MCPH1: variants seen among roughly 807,000 people sequenced by gnomAD.
The protein encoded by MCPH1 is microcephalin.
A neutral mutation model predicts 84.5 loss-of-function variants in MCPH1; 104 were observed. That is an observed-to-expected ratio of 1.23 (90% CI 1.05 to 1.45). The LOEUF (loss-of-function observed/expected upper bound fraction) is 1.45. Ranked by LOEUF, MCPH1 falls within the 40% of genes most tolerant of loss-of-function variation. The probability of loss-of-function intolerance (pLI) is 0.00; values close to 1 mark genes in which losing one functional copy is unlikely to be tolerated. For synonymous variants in MCPH1, 514 were observed against 366.8 expected (o/e 1.40, Z -4.58); for missense variants, 1,498 against 1,005.7 (o/e 1.49, Z -6.62).
chr8:6,427,204 TG>T (rs1199103180), intron 3 of MCPH1, among the ~76,000 whole-genome samples: 6 of 152,200 alleles, frequency 3.9e-5, no homozygotes, highest in African/African-American at 1.4e-4. Context: ...GCGTTTACTA[TG>T]AATTGAGCTC....
At chr8:6,535,388 C>A (rs564901043) in intron 12 of MCPH1, among the ~76,000 whole-genome samples, 1 of 152,196 alleles carries the variant, frequency 6.6e-6, no homozygotes, top group South Asian at 2.1e-4. Flanking sequence ...AATAAAATTT[C>A]TTAACCTGCC....
At chr8:6,445,990 T>A (rs1054073) in intron 8 of MCPH1, 771,194 of 977,376 alleles carry the variant, frequency 0.79, 309,827 homozygotes, top group Non-Finnish European at 0.82. Flanking sequence ...GATTGTATCA[T>A]AGAGAAAGTG....
chr8:6,554,999 TC>T (rs1264334866), intron 12 of MCPH1, among the ~76,000 whole-genome samples: 1 of 152,106 alleles, frequency 6.6e-6, no homozygotes, highest in Non-Finnish European at 1.5e-5. Flanking sequence ...TGACCTAGAG[TC>T]CAGGCAGTGG....
chr8:6,530,256 C>T (rs1819216701), intron 12 of MCPH1, among the ~76,000 whole-genome samples: 1 of 151,934 alleles, frequency 6.6e-6, no homozygotes, highest in South Asian at 2.1e-4. Context: ...GCCTGTGATC[C>T]CAGCAGTTTG....
At chr8:6,414,673 CAG>C (rs1799011151) in intron 2 of MCPH1, 90 bp from the exon 3 acceptor site, 6 of 1,398,786 alleles carry the variant, frequency 4.3e-6, no homozygotes, top group African/African-American at 2.9e-5. Context: ...TGTTGAGAAA[CAG>C]AATTGCTGGG....
intron 12 of MCPH1, among the ~76,000 whole-genome samples, chr8:6,532,900 C>T (rs150311695): frequency 2.6e-5 from 4 of 152,304 alleles, no homozygotes; most frequent in Non-Finnish European, 5.9e-5. Context: ...AAAGAAGCAT[C>T]ACTATTTCTC....
chr8:6,564,917 C>T (rs1026604632), intron 12 of MCPH1, among the ~76,000 whole-genome samples: 9 of 152,144 alleles, frequency 5.9e-5, no homozygotes, highest in Non-Finnish European at 2.9e-5. Flanking sequence ...ACCAGACAAC[C>T]AAAGGGTTCT....
At chr8:6,624,597 AGAAG>A (rs1166303447) in intron 13 of MCPH1, among the ~76,000 whole-genome samples, 1 of 152,220 alleles carries the variant, frequency 6.6e-6, no homozygotes, top group East Asian at 1.9e-4. Context: ...GTACGAATAA[AGAAG>A]GGTTTATTTT....
Position 6,554,635 on chromosome 8 carries a change from G to A in MCPH1, c.2214+54706G>A, listed in dbSNP as rs372306892. On this transcript the variant is annotated intron_variant, in intron 12 of 13. Transcript: ENST00000344683. ...ATATCAACTATGAATATTTTGTGGTGGTAAGTTGTCAGGTTAATGTAAAGA... is the reference window on the plus strand; with the variant it reads ...ATATCAACTATGAATATTTTGTGGTAGTAAGTTGTCAGGTTAATGTAAAGA... 4.6e-5 allele frequency among the ~76,000 whole-genome samples: 7 copies of A among 152,258 alleles called. No individual in the cohort carries two copies. The East Asian group carries it at 1.4e-3, about 29-fold the overall frequency.
chr8:6,554,972 T>C (rs1824331166), intron 12 of MCPH1, among the ~76,000 whole-genome samples: 2 of 152,176 alleles, frequency 1.3e-5, no homozygotes, highest in South Asian at 4.1e-4. Flanking sequence ...ATATTAAAGA[T>C]AGTCGGATGG....
Position 6,532,759 on chromosome 8 carries a change from C to G in MCPH1, c.2214+32830C>G, listed in dbSNP as rs115833214. 2.8e-3 allele frequency among the ~76,000 whole-genome samples: 428 copies of G among 152,216 alleles called. 2 individuals carry two copies. The highest frequency in any genetic ancestry group is 9.8e-3 in the African/African-American group (409 of 41,542). On this transcript the variant is annotated intron_variant, in intron 12 of 13. Transcript: ENST00000344683. ...GTTGCTTCTGTGTTCTTCTAGAAGT[C>G]CATGTCATGGCAGGCCACAGAGGGT...
chr8:6,641,939 C>T (rs1224053198), intron 13 of MCPH1, among the ~76,000 whole-genome samples: 1 of 152,116 alleles, frequency 6.6e-6, no homozygotes, highest in African/African-American at 2.4e-5. Context: ...CCCTCACTGA[C>T]CCAGGCCTCC....
At chr8:6,453,266 G>A (rs1215493768) in intron 8 of MCPH1, among the ~76,000 whole-genome samples, 3 of 152,138 alleles carry the variant, frequency 2.0e-5, no homozygotes, top group Non-Finnish European at 2.9e-5. Flanking sequence ...GTTTACCGAT[G>A]TCAATGTTAA....
At chr8:6,504,453 T>C (rs966074715) in intron 12 of MCPH1, among the ~76,000 whole-genome samples, 2 of 152,158 alleles carry the variant, frequency 1.3e-5, no homozygotes, top group African/African-American at 4.8e-5. Flanking sequence ...ATCCACGCTG[T>C]CTACATCCGG....
chr8:6,433,441 T>A (rs1017043201), intron 4 of MCPH1, among the ~76,000 whole-genome samples: 2 of 152,024 alleles, frequency 1.3e-5, no homozygotes, highest in Admixed American at 1.3e-4. Flanking sequence ...GAGAGCAGCC[T>A]GGCCAACATG....
At chr8:6,419,650 C>T (rs1426887199) in intron 3 of MCPH1, among the ~76,000 whole-genome samples, 1 of 151,560 alleles carries the variant, frequency 6.6e-6, no homozygotes, top group African/African-American at 2.4e-5. Context: ...GATCCACCTG[C>T]CTTGGCCTCC....
rs1429205787 is a variant in MCPH1, at chr8:6,645,964, A to G, written c.*2915A>G. ...GTCCTCAAATTGACGTATAGATTCA[A>G]TGCAATCCATTAAAATCTCAGATGG... On this transcript the variant is annotated 3_prime_UTR_variant, in exon 14 of 14. Transcript: ENST00000344683. The G allele has an allele frequency of 6.6e-6, 1 of 152,238 alleles. No homozygotes were observed. The highest frequency in any genetic ancestry group is 2.4e-5 in the African/African-American group (1 of 41,464). The allele number at this position is 152,238 out of a possible 1,614,324, so 9.4% of individuals were successfully genotyped here. A position where few individuals can be genotyped will look rare whatever the true frequency, so the allele number is the denominator to read the frequency against.
At chr8:6,603,349 G>A (rs1023781543) in intron 12 of MCPH1, among the ~76,000 whole-genome samples, 3 of 152,002 alleles carry the variant, frequency 2.0e-5, no homozygotes, top group Admixed American at 6.5e-5. Flanking sequence ...TGAACTTTTC[G>A]GGATGACGGA....
rs564865898 is a variant in MCPH1 at position 6,619,529 on chromosome 8, G to A, written c.2215-1925G>A. ...CGGTCTCGAACTCCTGACCTCAAGT[G>A]ATCCACTCACCTCAGCCTCCCCAAG... On this transcript the variant is annotated intron_variant, in intron 12 of 13. Transcript: ENST00000344683. Among the ~76,000 whole-genome samples the A allele has an allele frequency of 6.6e-5, 10 of 152,202 alleles. 1 individual carries two copies. The South Asian group carries it at 2.1e-3, about 32-fold the overall frequency.
Sources: gnomAD v4.1 joint callset for allele counts (sites outside exome capture counted in the v4.1 genomes callset) on GRCh38, gnomAD v4.1.1 for gene constraint, MANE v1.5 for transcripts, NCBI Gene and HGNC (gene_info 2026-07-23, HGNC 2026-07-21) for gene names.